Variants in PDS5B observed in about 807,000 individuals in gnomAD.
PDS5B encodes the protein sister chromatid cohesion protein PDS5 homolog B.
In PDS5B, 51 loss-of-function variants were observed where a neutral mutation model predicts 184.1. The observed-to-expected ratio is 0.28, with a 90% CI of 0.22 to 0.35. The LOEUF (loss-of-function observed/expected upper bound fraction) is 0.35. Ranked by LOEUF, PDS5B falls within the 10% of genes least tolerant of loss-of-function variation. The probability of loss-of-function intolerance (pLI) is 1.00; values close to 1 mark genes in which losing one functional copy is unlikely to be tolerated. For synonymous variants in PDS5B, 566 were observed against 569.2 expected (o/e 0.99, Z 0.08); for missense variants, 1,180 against 1,723.3 (o/e 0.68, Z 5.58).
intron 8 of PDS5B, among the ~76,000 whole-genome samples, chr13:32,674,846 G>T (rs534843845): frequency 2.0e-5 from 3 of 151,710 alleles, no homozygotes; most frequent in South Asian, 4.2e-4. Flanking sequence ...TAGAATCTTT[G>T]CTTGTTAAGC....
intron 1 of PDS5B, among the ~76,000 whole-genome samples, chr13:32,641,841 A>G (rs1412490181): frequency 1.3e-5 from 2 of 152,226 alleles, no homozygotes; most frequent in East Asian, 3.8e-4. Context: ...TATAATCTAC[A>G]GTTGCCTTCT....
chr13:32,629,511 T>G (rs1403435485), intron 1 of PDS5B, among the ~76,000 whole-genome samples: 1 of 152,194 alleles, frequency 6.6e-6, no homozygotes, highest in Non-Finnish European at 1.5e-5. Flanking sequence ...TCTGTGTTTA[T>G]CCTTGTTGGA....
intron 30 of PDS5B, among the ~76,000 whole-genome samples, chr13:32,764,221 A>G (rs968176426): frequency 1.3e-5 from 2 of 152,208 alleles, no homozygotes; most frequent in African/African-American, 4.8e-5. Flanking sequence ...AATTGGTTCT[A>G]TGATCTGACC....
intron 19 of PDS5B, among the ~76,000 whole-genome samples, chr13:32,721,705 T>G (rs538955995): frequency 2.8e-4 from 42 of 149,830 alleles, no homozygotes; most frequent in African/African-American, 9.7e-4. Flanking sequence ...GAGACGCTCC[T>G]CAATTCTTAG....
At chr13:32,737,453 C>A (rs930052759) in intron 21 of PDS5B, among the ~76,000 whole-genome samples, 4 of 152,088 alleles carry the variant, frequency 2.6e-5, no homozygotes, top group Non-Finnish European at 4.4e-5. Context: ...AACTTCTTAT[C>A]CCCCTTTCAC....
At chr13:32,736,236 G>C (rs1027087004) in intron 21 of PDS5B, among the ~76,000 whole-genome samples, 2 of 151,538 alleles carry the variant, frequency 1.3e-5, no homozygotes, top group Admixed American at 1.3e-4. Flanking sequence ...TTCTCCTTTT[G>C]TTTTTCATTC....
intron 1 of PDS5B, among the ~76,000 whole-genome samples, chr13:32,594,151 A>C (rs1028651998): frequency 6.6e-6 from 1 of 152,192 alleles, no homozygotes; most frequent in Non-Finnish European, 1.5e-5. Context: ...CCCCGAACCT[A>C]CTAGCTGTCA....
chr13:32,686,574 A>G (rs943574994), intron 11 of PDS5B, among the ~76,000 whole-genome samples: 1 of 152,194 alleles, frequency 6.6e-6, no homozygotes, highest in Non-Finnish European at 1.5e-5. Context: ...GCTTGAGGCC[A>G]GGAGTTCGAG....
intron 1 of PDS5B, among the ~76,000 whole-genome samples, chr13:32,621,435 C>G (rs1270971847): frequency 1.3e-5 from 2 of 152,138 alleles, no homozygotes; most frequent in Admixed American, 1.3e-4. Flanking sequence ...CCACTGCGCT[C>G]CAGCCTGGGT....
chr13:32,652,045 A>G (rs780562716), intron 3 of PDS5B, 38 bp downstream of exon 3: 10 of 1,350,418 alleles, frequency 7.4e-6, no homozygotes, highest in Non-Finnish European at 1.1e-5. Flanking sequence ...ATTGACCGAT[A>G]CTTTGATTTA....
At chr13:32,736,537 C>G (rs1354072669) in intron 21 of PDS5B, among the ~76,000 whole-genome samples, 1 of 151,904 alleles carries the variant, frequency 6.6e-6, no homozygotes, top group Non-Finnish European at 1.5e-5. Context: ...ATGTTTTTGT[C>G]TTTTCTGTTT....
At position 32,628,873 on chromosome 13, in the gene PDS5B, T is replaced by C. The variant is rs78285582; in HGVS notation, c.-19-19881T>C. ...CCCTTTTCGATGTCAGATTTTTTTT[T>C]CCACTTGTTTTAAACAGTGCTAAGA... On this transcript the variant is annotated intron_variant, in intron 1 of 34. Transcript: ENST00000315596. 4.2e-3 allele frequency among the ~76,000 whole-genome samples: 636 copies of C among 151,502 alleles called. 7 individuals are homozygous for C. Among genetic ancestry groups the C allele is most frequent in the African/African-American group, 0.014 (570 of 41,362 alleles).
chr13:32,641,454 A>G (rs2031354), intron 1 of PDS5B, among the ~76,000 whole-genome samples: 58,331 of 151,938 alleles, frequency 0.38, 11,657 homozygotes, highest in Non-Finnish European at 0.44. Flanking sequence ...TATTTGCTGA[A>G]GTCATTTTGT....
chr13:32,771,814 G>A (rs1954796335), intron 33 of PDS5B, among the ~76,000 whole-genome samples: 1 of 151,850 alleles, frequency 6.6e-6, no homozygotes, highest in Non-Finnish European at 1.5e-5. Flanking sequence ...GATGTAACAA[G>A]GAAATAACAA....
intron 1 of PDS5B, among the ~76,000 whole-genome samples, chr13:32,607,932 C>T (rs890691033): frequency 2.2e-4 from 34 of 152,156 alleles, no homozygotes; most frequent in African/African-American, 7.2e-4. Context: ...AGGGTGGGAG[C>T]GTCCTGATTT....
At chr13:32,718,102 G>C (rs1952539869) in intron 19 of PDS5B, among the ~76,000 whole-genome samples, 3 of 152,004 alleles carry the variant, frequency 2.0e-5, no homozygotes. Flanking sequence ...TATATAAGTA[G>C]GGAAAAGGGT....
chr13:32,703,796 A>G (rs535393604), intron 17 of PDS5B, among the ~76,000 whole-genome samples: 10 of 152,300 alleles, frequency 6.6e-5, no homozygotes, highest in Non-Finnish European at 1.0e-4. Context: ...GAATGAAGAG[A>G]TGTACCCTTT....
intron 6 of PDS5B, among the ~76,000 whole-genome samples, chr13:32,661,385 C>CAAAAAAAAAAAAAAAAAAAAAAAAAAAA (rs747985772): frequency 1.6e-4 from 5 of 32,018 alleles, no homozygotes; most frequent in Non-Finnish European, 2.3e-4. Flanking sequence ...GACTCTGTCT[C>CAAAAAAAAAAAAAAAAAAAAAAAAAAAA]AAAAAAAAAA....
chr13:32,640,763 G>T (rs371442523), intron 1 of PDS5B, among the ~76,000 whole-genome samples: 1 of 150,976 alleles, frequency 6.6e-6, no homozygotes, highest in South Asian at 2.1e-4. Context: ...TCATAAATCA[G>T]CACATTGTTG....
Sources: gnomAD v4.1 joint callset for allele counts (sites outside exome capture counted in the v4.1 genomes callset) on GRCh38, gnomAD v4.1.1 for gene constraint, MANE v1.5 for transcripts, NCBI Gene and HGNC (gene_info 2026-07-23, HGNC 2026-07-21) for gene names.